Variants in ERBB4 observed in about 807,000 individuals in gnomAD.
ERBB4 encodes the protein erb-b2 receptor tyrosine kinase 4.
Under a neutral mutation model 158.0 loss-of-function variants are expected in ERBB4, and 42 were observed. That is an observed-to-expected ratio of 0.27 (90% confidence interval 0.21 to 0.34). The LOEUF is 0.34. Ranked by LOEUF, ERBB4 falls within the 10% of genes least tolerant of loss-of-function variation. The probability of loss-of-function intolerance (pLI) is 1.00; values close to 1 mark genes in which losing one functional copy is unlikely to be tolerated. For synonymous variants in ERBB4, 583 were observed against 558.7 expected (o/e 1.04, Z -0.61); for missense variants, 1,333 against 1,624.1 (o/e 0.82, Z 3.08).
At chr2:212,074,291 A>G (rs1232777555) in intron 2 of ERBB4, among the ~76,000 whole-genome samples, 2 of 152,082 alleles carry the variant, frequency 1.3e-5, no homozygotes, top group African/African-American at 4.8e-5. Context: ...TAATGTGTCA[A>G]AATAAGATGC....
At chr2:211,691,101 A>G (rs148797526) in intron 12 of ERBB4, among the ~76,000 whole-genome samples, 154 of 152,268 alleles carry the variant, frequency 1.0e-3, no homozygotes, top group African/African-American at 3.3e-3. Context: ...ATTGAAATGT[A>G]TTTGGACAGG....
At chr2:212,261,795 T>C (rs1293572285) in intron 1 of ERBB4, among the ~76,000 whole-genome samples, 1 of 152,168 alleles carries the variant, frequency 6.6e-6, no homozygotes, top group Non-Finnish European at 1.5e-5. Flanking sequence ...ACATGTGTTA[T>C]ATATGTGGCA....
At chr2:211,960,311 G>A (rs899562674) in intron 2 of ERBB4, among the ~76,000 whole-genome samples, 1 of 152,078 alleles carries the variant, frequency 6.6e-6, no homozygotes, top group Non-Finnish European at 1.5e-5. Context: ...GGCCAATGAT[G>A]AGGTAACTTA....
chr2:211,569,705 T>C (rs2067657232), intron 19 of ERBB4, among the ~76,000 whole-genome samples: 1 of 152,190 alleles, frequency 6.6e-6, no homozygotes, highest in Non-Finnish European at 1.5e-5. Flanking sequence ...TGGCATATTT[T>C]GGAAGGTCTG....
intron 1 of ERBB4, among the ~76,000 whole-genome samples, chr2:212,398,137 T>C (rs979190340): frequency 1.3e-5 from 2 of 151,558 alleles, no homozygotes; most frequent in Non-Finnish European, 2.9e-5. Context: ...TATATACACA[T>C]ATATATATAC....
At chr2:212,086,502 CA>C (rs2078617491) in intron 2 of ERBB4, among the ~76,000 whole-genome samples, 1 of 151,876 alleles carries the variant, frequency 6.6e-6, no homozygotes, top group South Asian at 2.1e-4. Flanking sequence ...ATATCAATAT[CA>C]TGAATTTTCT....
chr2:211,503,388 G>T (rs887214513), intron 20 of ERBB4, among the ~76,000 whole-genome samples: 1 of 152,076 alleles, frequency 6.6e-6, no homozygotes, highest in African/African-American at 2.4e-5. Context: ...GGGAACTGAG[G>T]AGCATCTGAA....
intron 4 of ERBB4, among the ~76,000 whole-genome samples, chr2:211,767,316 T>A (rs903894471): frequency 6.6e-6 from 1 of 152,130 alleles, no homozygotes; most frequent in Non-Finnish European, 1.5e-5. Context: ...GTCAGTGTAA[T>A]TGTCATTCAA....
At position 211,383,841 on chromosome 2, in the gene ERBB4, T is replaced by C. The variant is rs1210422013; in HGVS notation, c.3701A>G (p.Lys1234Arg). 1.9e-6 allele frequency: 3 copies of C among 1,614,086 alleles called. No homozygotes were observed. Among genetic ancestry groups the C allele is most frequent in the Non-Finnish European group, 1.7e-6 (2 of 1,180,030 alleles). Residue 1234 changes from lysine (K) to arginine (R), a missense_variant, in exon 28 of 28, where the codon AAG becomes AGG. Physicochemically the swap from Lys to Arg is conservative, Grantham distance 26 (BLOSUM62 2). Coordinates refer to ENST00000342788, the MANE Select transcript of ERBB4 (RefSeq NM_005235.3). ...NNILSMPEKA[K>R]KAFDNPDYWN... is the part of the protein sequence containing the mutation. ...GTAGTCAGGGTTGTCAAACGCTTTC[T>C]TGGCCTTCTCTGGCATTGACAGTAT... is the stretch of plus-strand genomic sequence containing the variant.
At chr2:211,666,141 TTTTC>T (rs1417586787) in intron 14 of ERBB4, among the ~76,000 whole-genome samples, 12 of 152,266 alleles carry the variant, frequency 7.9e-5, no homozygotes, top group African/African-American at 2.9e-4. Flanking sequence ...ATTCCTAGAT[TTTTC>T]TTTATTTCAT....
At chr2:212,448,746 T>TA (rs1044221693) in intron 1 of ERBB4, among the ~76,000 whole-genome samples, 1 of 152,020 alleles carries the variant, frequency 6.6e-6, no homozygotes, top group Admixed American at 6.6e-5. Context: ...AAGCAGTTAC[T>TA]AAAAAAAACT....
chr2:211,972,606 C>T (rs970767805), intron 2 of ERBB4, among the ~76,000 whole-genome samples: 1 of 152,098 alleles, frequency 6.6e-6, no homozygotes, highest in African/African-American at 2.4e-5. Flanking sequence ...GACCACACTC[C>T]TGCAACTATC....
intron 1 of ERBB4, among the ~76,000 whole-genome samples, chr2:212,408,831 T>A (rs1174445609): frequency 6.6e-6 from 1 of 152,166 alleles, no homozygotes; most frequent in African/African-American, 2.4e-5. Flanking sequence ...CTAAATTCAC[T>A]CTGAAGTTTA....
Position 211,580,832 on chromosome 2 carries a change from ATAGAT to A in ERBB4, c.2302-18749_2302-18745del, listed in dbSNP as rs1436071288. 7.9e-3 allele frequency among the ~76,000 whole-genome samples: 286 copies of A among 36,188 alleles called. 49 individuals are homozygous for A. The highest frequency in any genetic ancestry group is 0.024 in the Non-Finnish European group (221 of 9,262). The allele number at this position is 36,188 out of a possible 152,430, so 23.7% of individuals were successfully genotyped here. On this transcript the variant is annotated intron_variant, in intron 19 of 27. Transcript: ENST00000342788. ...TATATAATATATATATATTATATATATAGATTATATATTATATATATAGTATGCAT... is the reference window on the plus strand; with the variant it reads ...TATATAATATATATATATTATATATATATATATTATATATATAGTATGCAT...
At chr2:211,745,306 C>T (rs1045967525) in intron 5 of ERBB4, among the ~76,000 whole-genome samples, 7 of 152,180 alleles carry the variant, frequency 4.6e-5, no homozygotes, top group Non-Finnish European at 1.0e-4. Flanking sequence ...AAATTGTGAT[C>T]TTACAATAAG....
At chr2:211,883,455 A>T (rs181744808) in intron 3 of ERBB4, among the ~76,000 whole-genome samples, 2 of 152,198 alleles carry the variant, frequency 1.3e-5, no homozygotes, top group African/African-American at 4.8e-5. Flanking sequence ...ATAAAAAATA[A>T]TAATAATAAA....
intron 20 of ERBB4, among the ~76,000 whole-genome samples, chr2:211,482,695 C>T (rs1052573445): frequency 2.0e-5 from 3 of 152,122 alleles, no homozygotes; most frequent in Non-Finnish European, 2.9e-5. Flanking sequence ...CACCTGAGGT[C>T]GGGAGTTCAA....
chr2:212,177,136 A>C (rs1475722102), intron 1 of ERBB4, among the ~76,000 whole-genome samples: 1 of 151,822 alleles, frequency 6.6e-6, no homozygotes, highest in Non-Finnish European at 1.5e-5. Flanking sequence ...TCAGATTTGT[A>C]TTGTCAGTCT....
intron 16 of ERBB4, among the ~76,000 whole-genome samples, chr2:211,640,805 G>T (rs1261926794): frequency 6.6e-6 from 1 of 152,046 alleles, no homozygotes; most frequent in East Asian, 1.9e-4. Context: ...AAGGAGATAT[G>T]GTGAGAAAAT....
Sources: gnomAD v4.1 joint callset for allele counts (sites outside exome capture counted in the v4.1 genomes callset) on GRCh38, gnomAD v4.1.1 for gene constraint, MANE v1.5 for transcripts, NCBI Gene and HGNC (gene_info 2026-07-23, HGNC 2026-07-21) for gene names.